NLRP5: variants seen among roughly 807,000 people sequenced by gnomAD.
NLRP5 encodes the protein NACHT, LRR and PYD domains-containing protein 5.
Under a neutral mutation model 113.1 loss-of-function variants are expected in NLRP5, and 93 were observed. That is an observed-to-expected ratio of 0.82 (90% CI 0.70 to 0.98). The LOEUF (loss-of-function observed/expected upper bound fraction) is 0.98, where lower values mean the gene tolerates loss of function less well. Among genes scored for constraint, NLRP5 ranks in the 50% least tolerant of loss-of-function variants. The pLI is 0.00. For synonymous variants in NLRP5, 751 were observed against 600.7 expected (o/e 1.25, Z -3.66); for missense variants, 1,808 against 1,514.3 (o/e 1.19, Z -3.22).
chr19:56,011,153 T>TAAA (rs1162361077), intron 3 of NLRP5, among the ~76,000 whole-genome samples: 207 of 120,386 alleles, frequency 1.7e-3, no homozygotes, highest in African/African-American at 5.9e-3. Flanking sequence ...ACTATGTCTT[T>TAAA]AAAAAATATA....
chr19:56,059,146 G>A (rs966344420), intron 14 of NLRP5, among the ~76,000 whole-genome samples: 2 of 152,192 alleles, frequency 1.3e-5, no homozygotes, highest in Non-Finnish European at 2.9e-5. Flanking sequence ...GCACAGCCGT[G>A]TGAATGTAGT....
Position 56,008,815 on chromosome 19 carries a change from C to T in NLRP5, c.470C>T (p.Thr157Met), listed in dbSNP as rs868080387. The T allele has an allele frequency of 5.0e-6, 8 of 1,612,098 alleles. No individual in the cohort carries two copies. Among genetic ancestry groups the T allele is most frequent in the Admixed American group, 1.7e-5 (1 of 59,662 alleles). The change falls in exon 3 of 15, where the codon ACG (threonine) becomes ATG (methionine). Residue 157 changes from threonine (T) to methionine (M), a missense_variant. Coordinates refer to ENST00000390649, the MANE Select transcript of NLRP5 (RefSeq NM_153447.4). ...CATTCACCAGAAGATCCTGAAGCAA[C>T]GATGACTGACCAAGGACCAAGCAAG...
chr19:56,057,459 C>T (rs576566822), intron 13 of NLRP5, among the ~76,000 whole-genome samples: 124 of 152,308 alleles, frequency 8.1e-4, no homozygotes, highest in African/African-American at 2.6e-3. Context: ...GCCATCTAGT[C>T]ATCTTTGTTT....
rs186828631 is a variant in NLRP5, at chr19:56,040,340, G to T, written c.2787-582G>T. Among the ~76,000 whole-genome samples the T allele has an allele frequency of 4.1e-4, 62 of 152,320 alleles. No homozygotes were observed. In the East Asian group the frequency reaches 0.012, roughly 28 times the overall value. ...GGAGGCTGAGGCAGGCAGATCCCCTGAGGTCAGGAGTTGGAGGCCAGCTTC... is the reference window on the plus strand; with the variant it reads ...GGAGGCTGAGGCAGGCAGATCCCCTTAGGTCAGGAGTTGGAGGCCAGCTTC... On this transcript the variant is annotated intron_variant, in intron 10 of 14. Coordinates refer to ENST00000390649, the MANE Select transcript of NLRP5 (RefSeq NM_153447.4).
At chr19:56,000,890 C>T (rs1254174803) in intron 1 of NLRP5, among the ~76,000 whole-genome samples, 1 of 151,678 alleles carries the variant, frequency 6.6e-6, no homozygotes, top group Non-Finnish European at 1.5e-5. Flanking sequence ...CCTGTAATCC[C>T]AGCTACTTGG....
chr19:55,995,377 A>G (rs2123252859), upstream of NLRP5, among the ~76,000 whole-genome samples: 1 of 152,300 alleles, frequency 6.6e-6, no homozygotes, highest in East Asian at 1.9e-4. Context: ...AAATATTAAA[A>G]TATTCTAACA....
the NLRP5 span, among the ~76,000 whole-genome samples, chr19:55,987,016 C>T: frequency 1.3e-5 from 2 of 152,222 alleles, no homozygotes; most frequent in African/African-American, 2.4e-5. Flanking sequence ...TCTAAAACCT[C>T]ATATTTACTT....
chr19:55,994,545 G>C, the NLRP5 span, among the ~76,000 whole-genome samples: 1 of 151,998 alleles, frequency 6.6e-6, no homozygotes, highest in Non-Finnish European at 1.5e-5. Context: ...TTTCAGGCAC[G>C]TGCCACCACA....
chr19:56,020,896 A>G (rs1599886979), intron 6 of NLRP5, among the ~76,000 whole-genome samples: 2 of 148,356 alleles, frequency 1.3e-5, no homozygotes, highest in African/African-American at 5.0e-5. Context: ...TTTTTTGAGA[A>G]GGAGTCTCGC....
intron 11 of NLRP5, among the ~76,000 whole-genome samples, chr19:56,045,996 T>C (rs1165934097): frequency 6.6e-6 from 1 of 152,196 alleles, no homozygotes; most frequent in Non-Finnish European, 1.5e-5. Context: ...GGCTTGACCA[T>C]GGTGCATCCT....
At chr19:56,035,904 A>G (rs985642781) in intron 9 of NLRP5, among the ~76,000 whole-genome samples, 1 of 152,172 alleles carries the variant, frequency 6.6e-6, no homozygotes, top group Non-Finnish European at 1.5e-5. Flanking sequence ...CCTTTATTCA[A>G]TAACGACAGA....
chr19:56,001,154 C>G (rs1981629883), intron 1 of NLRP5, among the ~76,000 whole-genome samples: 2 of 111,294 alleles, frequency 1.8e-5, no homozygotes, highest in East Asian at 3.2e-4. Context: ...GACACCTTGT[C>G]TCTACTTTTT....
intron 2 of NLRP5, among the ~76,000 whole-genome samples, chr19:56,004,955 G>C (rs149564881): frequency 8.6e-5 from 13 of 151,588 alleles, no homozygotes; most frequent in Non-Finnish European, 8.8e-5. Context: ...TTAGCCAGGC[G>C]TCATGGCACA....
chr19:56,032,367 A>T lies in NLRP5; in HGVS notation c.2277-244A>T, dbSNP rs151204370. Among the ~76,000 whole-genome samples, 17 of 149,710 alleles carry T rather than the reference A, an allele frequency of 1.1e-4. No homozygotes were observed. The East Asian group carries it at 3.3e-3, about 29-fold the overall frequency. The stretch of plus-strand genomic sequence containing the variant: ...CTCAAAAAAAAAAAAAAAAGATCTG[A>T]TTCAGGAGCTGGCGGTTCCCAGTCA... On this transcript the variant is annotated intron_variant, in intron 7 of 14. Coordinates refer to ENST00000390649, the MANE Select transcript of NLRP5 (RefSeq NM_153447.4).
At position 56,041,017 on chromosome 19, in the gene NLRP5, A is replaced by G. The variant is rs375724570; in HGVS notation, c.2882A>G (p.Asn961Ser). ...TTGACACACCTGTGCCTATCCAACAACAGCCTGGGGAACGAAGGTGTAAAT... is the reference window on the plus strand; with the variant it reads ...TTGACACACCTGTGCCTATCCAACAGCAGCCTGGGGAACGAAGGTGTAAAT... Residue 961 changes from asparagine to serine, a missense_variant, in exon 11 of 15, where the codon AAC becomes AGC. Coordinates refer to ENST00000390649, the MANE Select transcript of NLRP5 (RefSeq NM_153447.4). 46 of 1,613,940 alleles carry G rather than the reference A, an allele frequency of 2.9e-5. No individual in the cohort carries two copies. Among genetic ancestry groups the G allele is most frequent in the Non-Finnish European group, 3.9e-5 (46 of 1,179,858 alleles).
At position 56,027,641 on chromosome 19, in the gene NLRP5, G is replaced by A. The variant is rs1244868837; in HGVS notation, c.1408G>A (p.Val470Met). Residue 470 changes from valine to methionine, a missense_variant, in exon 7 of 15, where the codon GTG becomes ATG. By Grantham distance (21) the Val-to-Met change is conservative. Transcript: ENST00000390649. ...CCGTGAGCTGCTCGACCAGTGCCAG[G>A]TGCCCGCCGTGGGCTCTCTCATCTG... 3 of 1,613,466 alleles carry A rather than the reference G, an allele frequency of 1.9e-6. No individual in the cohort carries two copies. The highest frequency in any genetic ancestry group is 2.2e-5 in the East Asian group (1 of 44,882).
At chr19:56,035,399 C>T (rs181537654) in intron 9 of NLRP5, among the ~76,000 whole-genome samples, 604 of 152,304 alleles carry the variant, frequency 4.0e-3, no homozygotes, top group Middle Eastern at 0.014. Context: ...TGTCTCAGGA[C>T]GGAAATGCTG....
At chr19:55,991,251 A>G in the NLRP5 span, among the ~76,000 whole-genome samples, 1 of 152,314 alleles carries the variant, frequency 6.6e-6, no homozygotes, top group Admixed American at 6.5e-5. Flanking sequence ...TCATGAACAT[A>G]AATATTTCAA....
rs554348913 is a variant in NLRP5 at position 56,008,865 on chromosome 19, G to A, written c.508+12G>A. ...GGAAAAAGTGCCAGGTTAGAGGGGTGGAGTTGGGGGAAATAGGATGTGCTT... is the reference window on the plus strand; with the variant it reads ...GGAAAAAGTGCCAGGTTAGAGGGGTAGAGTTGGGGGAAATAGGATGTGCTT... On this transcript the variant is annotated intron_variant, in intron 3 of 14. Coordinates refer to ENST00000390649, the MANE Select transcript of NLRP5 (RefSeq NM_153447.4). 4.3e-6 allele frequency: 7 copies of A among 1,609,742 alleles called. No homozygotes were observed. The highest frequency in any genetic ancestry group is 3.3e-5 in the South Asian group (3 of 90,182).
Sources: gnomAD v4.1 joint callset for allele counts (sites outside exome capture counted in the v4.1 genomes callset) on GRCh38, gnomAD v4.1.1 for gene constraint, MANE v1.5 for transcripts, NCBI Gene and HGNC (gene_info 2026-07-23, HGNC 2026-07-21) for gene names.